NXPH3: variants seen among roughly 807,000 people sequenced by gnomAD.
NXPH3 encodes neurexophilin-3.
In NXPH3, 7 loss-of-function variants were observed where a neutral mutation model predicts 18.8. The ratio of observed to expected loss-of-function variants is 0.37; its 90% CI spans 0.21 to 0.70. NXPH3 has a LOEUF of 0.70. Among genes scored for constraint, NXPH3 ranks in the 30% least tolerant of loss-of-function variants. The probability of loss-of-function intolerance (pLI) is 0.53; values close to 1 mark genes in which losing one functional copy is unlikely to be tolerated. For synonymous variants in NXPH3, 101 were observed against 137.3 expected (o/e 0.74, Z 1.85); for missense variants, 282 against 338.1 (o/e 0.83, Z 1.30).
rs893470972 is a variant in NXPH3 at position 49,578,397 on chromosome 17, G to GT, written c.55-199_55-198insT. On this transcript the variant is annotated intron_variant, in intron 1 of 1. Transcript: ENST00000328741. This position sits in a 1 kb window ranked among gnomAD's most constrained non-coding sequence, Gnocchi z 4.5. ...CAAGACAGTGAGGAAAGGACAATGGGGGGGGGGGTGACCCAACTGTCAGAA... is the reference window on the plus strand; with the variant it reads ...CAAGACAGTGAGGAAAGGACAATGGGTGGGGGGGGTGACCCAACTGTCAGAA... Among the ~76,000 whole-genome samples the GT allele has an allele frequency of 2.2e-3, 328 of 150,170 alleles. 1 individual carries two copies. Among genetic ancestry groups the GT allele is most frequent in the African/African-American group, 7.6e-3 (312 of 41,034 alleles).
At position 49,576,170 on chromosome 17, in the gene NXPH3, G is replaced by A. The variant is rs1360420346; in HGVS notation, c.-50G>A. On this transcript the variant is annotated 5_prime_UTR_variant, in exon 1 of 2. Coordinates refer to ENST00000328741, the MANE Select transcript of NXPH3 (RefSeq NM_007225.4). ...GAGCAGGAAGGGGAAGGAGGCCTGG[G>A]ACCCCGAAAAGAGAAGGGGAGAGCG... 9.7e-6 allele frequency: 15 copies of A among 1,551,110 alleles called. No individual in the cohort carries two copies. Among genetic ancestry groups the A allele is most frequent in the South Asian group, 2.4e-5 (2 of 84,144 alleles).
rs1490830508 is a variant in NXPH3, at chr17:49,578,141, C to G, written c.55-455C>G. Among the ~76,000 whole-genome samples the G allele has an allele frequency of 6.6e-6, 1 of 152,172 alleles. No homozygotes were observed. The highest frequency in any genetic ancestry group is 2.4e-5 in the African/African-American group (1 of 41,436). Reference sequence around the variant, plus strand: ...TTCAGAGCAGAGATTATGCCTCCCCCATCAGCCTGGGGATTTCACAGAGGC... The same window carrying G: ...TTCAGAGCAGAGATTATGCCTCCCCGATCAGCCTGGGGATTTCACAGAGGC... On this transcript the variant is annotated intron_variant, in intron 1 of 1. Transcript: ENST00000328741. The surrounding 1 kb of genome is among the most constrained non-coding windows in gnomAD (Gnocchi z 4.5).
chr17:49,579,220 A>G lies in NXPH3; in HGVS notation c.679A>G (p.Ser227Gly). Reference protein sequence around the residue: ...KVVCVYIAFYSTDYRLVQKVC... With the variant: ...KVVCVYIAFYGTDYRLVQKVC... ...CGTCTGTGTCTACATCGCCTTCTAC[A>G]GCACGGACTATCGGCTGGTCCAGAA... The change falls in exon 2 of 2, where the codon AGC (serine) becomes GGC (glycine). Residue 227 changes from serine (S) to glycine (G), a missense_variant. Ser to Gly is a moderately conservative substitution (Grantham distance 56). Coordinates refer to ENST00000328741, the MANE Select transcript of NXPH3 (RefSeq NM_007225.4). This position sits in a 1 kb window ranked among gnomAD's most constrained non-coding sequence, Gnocchi z 6.0. 1 of 1,607,458 alleles carries G rather than the reference A, an allele frequency of 6.2e-7. No homozygotes were observed. Among genetic ancestry groups the G allele is most frequent in the South Asian group, 1.1e-5 (1 of 91,074 alleles).
At position 49,576,102 on chromosome 17, in the gene NXPH3, C is replaced by T. The variant is rs908265299; in HGVS notation, c.-118C>T. ...CTGGGCGACCCGCTGAGGGGAGGGC[C>T]GCGGGCCGCCGGGGACTGGAGCATG... On this transcript the variant is annotated 5_prime_UTR_variant, in exon 1 of 2. Coordinates refer to ENST00000328741, the MANE Select transcript of NXPH3 (RefSeq NM_007225.4). The T allele has an allele frequency of 7.6e-6, 10 of 1,308,212 alleles. No individual in the cohort carries two copies. The South Asian group carries it at 7.8e-5, about 10-fold the overall frequency. 81.0% of individuals were successfully genotyped at this position (1,308,212 alleles called of 1,614,324 possible). A position where few individuals can be genotyped will look rare whatever the true frequency, so the allele number is the denominator to read the frequency against.
chr17:49,576,322 C>A (rs1406949496), intron 1 of NXPH3, 49 bp downstream of exon 1: 21 of 1,538,886 alleles, frequency 1.4e-5, no homozygotes, highest in Non-Finnish European at 1.8e-5. Context: ...CCCGGAGGAT[C>A]GGGGGAGAGC....
chr17:49,581,691 G>A lies in NXPH3; in HGVS notation c.*2391G>A, dbSNP rs868183929. The A allele has an allele frequency of 4.4e-5, 31 of 702,464 alleles. No individual in the cohort carries two copies. Among genetic ancestry groups the A allele is most frequent in the African/African-American group, 2.8e-4 (16 of 57,254 alleles). 43.5% of individuals were successfully genotyped at this position (702,464 alleles called of 1,614,324 possible). ...CACCAATGGACACCCACCGTGTGCC[G>A]TTCAGCCTCCCACAGTGCTGTGGAG... On this transcript the variant is annotated 3_prime_UTR_variant, in exon 2 of 2. Coordinates refer to ENST00000328741, the MANE Select transcript of NXPH3 (RefSeq NM_007225.4).
chr17:49,580,705 C>G lies in NXPH3; in HGVS notation c.*1405C>G, dbSNP rs992882872. The G allele has an allele frequency of 6.6e-6, 1 of 152,458 alleles. No individual in the cohort carries two copies. The highest frequency in any genetic ancestry group is 2.4e-5 in the African/African-American group (1 of 41,480). The allele number at this position is 152,458 out of a possible 1,614,324, so 9.4% of individuals were successfully genotyped here. On this transcript the variant is annotated 3_prime_UTR_variant, in exon 2 of 2. Transcript: ENST00000328741. The stretch of plus-strand genomic sequence containing the variant: ...ATCTGCAGACCCAGCAGGGTCCTAG[C>G]CCCGTCATTTTGCTGCGTGGCCTTG...
At position 49,581,568 on chromosome 17, in the gene NXPH3, C is replaced by T. The variant is rs1347340576; in HGVS notation, c.*2268C>T. 7.3e-6 allele frequency: 5 copies of T among 687,224 alleles called. No homozygotes were observed. The highest frequency in any genetic ancestry group is 1.8e-5 in the African/African-American group (1 of 57,060). The allele number at this position is 687,224 out of a possible 1,614,324, so 42.6% of individuals were successfully genotyped here. A position where few individuals can be genotyped will look rare whatever the true frequency, so the allele number is the denominator to read the frequency against. ...TCCCCCACATCATGCTTCCAGGGGC[C>T]GTCTCTCCTGAGTGGAGATGTGAGA... On this transcript the variant is annotated 3_prime_UTR_variant, in exon 2 of 2. Coordinates refer to ENST00000328741, the MANE Select transcript of NXPH3 (RefSeq NM_007225.4).
Position 49,582,216 on chromosome 17 carries a change from G to A in NXPH3, c.*2916G>A, listed in dbSNP as rs2071604370. On this transcript the variant is annotated 3_prime_UTR_variant, in exon 2 of 2. Coordinates refer to ENST00000328741, the MANE Select transcript of NXPH3 (RefSeq NM_007225.4). ...CCCCCCCACCATCACGACGAAGTGC[G>A]CTGGCCTCCCACTCTTGCCATGCAC... 3 of 330,350 alleles carry A rather than the reference G, an allele frequency of 9.1e-6. No homozygotes were observed. Among genetic ancestry groups the A allele is most frequent in the African/African-American group, 2.1e-5 (1 of 47,076 alleles). The allele number at this position is 330,350 out of a possible 1,614,324, so 20.5% of individuals were successfully genotyped here.
chr17:49,578,122 G>A lies in NXPH3; in HGVS notation c.55-474G>A, dbSNP rs1026599850. Among the ~76,000 whole-genome samples the A allele has an allele frequency of 6.6e-6, 1 of 152,158 alleles. No homozygotes were observed. Among genetic ancestry groups the A allele is most frequent in the Non-Finnish European group, 1.5e-5 (1 of 68,022 alleles). On this transcript the variant is annotated intron_variant, in intron 1 of 1. Coordinates refer to ENST00000328741, the MANE Select transcript of NXPH3 (RefSeq NM_007225.4). This position sits in a 1 kb window ranked among gnomAD's most constrained non-coding sequence, Gnocchi z 4.5. The stretch of plus-strand genomic sequence containing the variant: ...CTGTCTGACTCGGGGCTGTTTCAGA[G>A]CAGAGATTATGCCTCCCCCATCAGC...
chr17:49,581,596 C>A lies in NXPH3; in HGVS notation c.*2296C>A, dbSNP rs1338655855. On this transcript the variant is annotated 3_prime_UTR_variant, in exon 2 of 2. Transcript: ENST00000328741. ...CTCTCCTGAGTGGAGATGTGAGACA[C>A]ACACCCCTCCTCCAGACCACCCTCC... 3 of 700,410 alleles carry A rather than the reference C, an allele frequency of 4.3e-6. No individual in the cohort carries two copies. The African/African-American group carries it at 5.2e-5, about 12-fold the overall frequency. The allele number at this position is 700,410 out of a possible 1,614,324, so 43.4% of individuals were successfully genotyped here. A position where few individuals can be genotyped will look rare whatever the true frequency, so the allele number is the denominator to read the frequency against.
Position 49,578,868 on chromosome 17 carries a change from C to G in NXPH3, c.327C>G (p.Ile109Met). 1 of 1,614,166 alleles carries G rather than the reference C, an allele frequency of 6.2e-7. No individual in the cohort carries two copies. ...IFGWGDFYSN[I>M]KTVALNLLVT... ...GCTGGGGCGACTTCTACTCCAACAT[C>G]AAGACGGTGGCCCTGAACCTGCTCG... Residue 109 changes from isoleucine to methionine, a missense_variant, in exon 2 of 2, where the codon ATC becomes ATG. Ile to Met is a conservative substitution (Grantham distance 10, BLOSUM62 1). Transcript: ENST00000328741. The surrounding 1 kb of genome is among the most constrained non-coding windows in gnomAD (Gnocchi z 4.5).
At position 49,575,991 on chromosome 17, in the gene NXPH3, C is replaced by A. The variant is rs1403368519; in HGVS notation, c.-229C>A. 3.9e-6 allele frequency: 2 copies of A among 510,938 alleles called. No homozygotes were observed. Among genetic ancestry groups the A allele is most frequent in the Non-Finnish European group, 6.8e-6 (2 of 294,512 alleles). 31.7% of individuals were successfully genotyped at this position (510,938 alleles called of 1,614,324 possible). Reference sequence around the variant, plus strand: ...GGCGCTCGGGGCGCACATCTGGGACCTCGAGCGGGGGCCGTGCCGCGCGCA... The same window carrying A: ...GGCGCTCGGGGCGCACATCTGGGACATCGAGCGGGGGCCGTGCCGCGCGCA... On this transcript the variant is annotated 5_prime_UTR_variant, in exon 1 of 2. Coordinates refer to ENST00000328741, the MANE Select transcript of NXPH3 (RefSeq NM_007225.4). This position sits in a 1 kb window ranked among gnomAD's most constrained non-coding sequence, Gnocchi z 4.3.
Position 49,576,088 on chromosome 17 carries a change from G to T in NXPH3, c.-132G>T. On this transcript the variant is annotated 5_prime_UTR_variant, in exon 1 of 2. Coordinates refer to ENST00000328741, the MANE Select transcript of NXPH3 (RefSeq NM_007225.4). ...GGGCGGGGTCGGCCCTGGGCGACCC[G>T]CTGAGGGGAGGGCCGCGGGCCGCCG... The T allele has an allele frequency of 8.8e-7, 1 of 1,130,006 alleles. No individual in the cohort carries two copies. The highest frequency in any genetic ancestry group is 1.3e-6 in the Non-Finnish European group (1 of 781,636). 70.0% of individuals were successfully genotyped at this position (1,130,006 alleles called of 1,614,324 possible).
intron 1 of NXPH3, among the ~76,000 whole-genome samples, chr17:49,576,909 T>C (rs1195519123): frequency 6.6e-6 from 1 of 151,884 alleles, no homozygotes; most frequent in African/African-American, 2.4e-5. Flanking sequence ...CCGCGGCTTC[T>C]CGGCGACCCA....
At position 49,583,335 on chromosome 17, in the gene NXPH3, GC is replaced by G. The variant is rs2071610518; in HGVS notation, c.*4039del. ...TGATGGGTAAGGAGAGGCACCATTA[GC>G]CCCGCCAGGCAGAGGCAAGATGGGG... On this transcript the variant is annotated 3_prime_UTR_variant, in exon 2 of 2. Transcript: ENST00000328741. 1 of 152,250 alleles carries G rather than the reference GC, an allele frequency of 6.6e-6. No homozygotes were observed. Among genetic ancestry groups the G allele is most frequent in the Non-Finnish European group, 1.5e-5 (1 of 68,060 alleles). The allele number at this position is 152,250 out of a possible 1,614,324, so 9.4% of individuals were successfully genotyped here.
At position 49,583,826 on chromosome 17, in the gene NXPH3, T is replaced by C. The variant is rs956808190; in HGVS notation, c.*4526T>C. 1.3e-5 allele frequency: 2 copies of C among 152,140 alleles called. No homozygotes were observed. The highest frequency in any genetic ancestry group is 4.8e-5 in the African/African-American group (2 of 41,416). 9.4% of individuals were successfully genotyped at this position (152,140 alleles called of 1,614,324 possible). On this transcript the variant is annotated 3_prime_UTR_variant, in exon 2 of 2. Transcript: ENST00000328741. The stretch of plus-strand genomic sequence containing the variant: ...GCTCAATAAATGTTACTTCCTCCTG[T>C]CTTTTTTTTTCTAAGATGGGTTGTT...
At chr17:49,577,209 T>G (rs2071575941) in intron 1 of NXPH3, among the ~76,000 whole-genome samples, 1 of 152,034 alleles carries the variant, frequency 6.6e-6, no homozygotes, top group African/African-American at 2.4e-5. Context: ...TAGCCGTCCC[T>G]CTACCCCACC....
At position 49,581,765 on chromosome 17, in the gene NXPH3, T is replaced by G; in HGVS notation, c.*2465T>G. On this transcript the variant is annotated 3_prime_UTR_variant, in exon 2 of 2. Coordinates refer to ENST00000328741, the MANE Select transcript of NXPH3 (RefSeq NM_007225.4). ...ATGGGGCCAGAGGCCCTGGGCGCCC[T>G]CCCCACCTCCCCTGGCTGAACTCTC... 1 of 701,880 alleles carries G rather than the reference T, an allele frequency of 1.4e-6. No homozygotes were observed. Among genetic ancestry groups the G allele is most frequent in the Non-Finnish European group, 2.6e-6 (1 of 384,656 alleles). 43.5% of individuals were successfully genotyped at this position (701,880 alleles called of 1,614,324 possible). A position where few individuals can be genotyped will look rare whatever the true frequency, so the allele number is the denominator to read the frequency against.
Sources: gnomAD v4.1 joint callset for allele counts (sites outside exome capture counted in the v4.1 genomes callset) on GRCh38, gnomAD v4.1.1 for gene constraint, Gnocchi (gnomAD v3.1) non-coding constraint, MANE v1.5 for transcripts, NCBI Gene and HGNC (gene_info 2026-07-23, HGNC 2026-07-21) for gene names.